Variants in OXNAD1 observed in about 807,000 individuals in gnomAD.
OXNAD1 encodes oxidoreductase NAD binding domain containing 1.
Under a neutral mutation model 32.9 loss-of-function variants are expected in OXNAD1, and 34 were observed. The ratio of observed to expected loss-of-function variants is 1.03; its 90% CI spans 0.79 to 1.38. OXNAD1 has a LOEUF of 1.38. Among genes scored for constraint, OXNAD1 ranks in the 40% most tolerant of loss-of-function variants. OXNAD1 has a pLI of 0.00. For synonymous variants in OXNAD1, 134 were observed against 135.2 expected, an observed-to-expected ratio of 0.99 and a Z score of 0.06; for missense variants, 407 against 379.4, an observed-to-expected ratio of 1.07 and a Z score of -0.60.
At position 16,286,504 on chromosome 3, in the gene OXNAD1, G is replaced by A. The variant is rs948618619; in HGVS notation, c.290+56G>A. ...ATGTTCAAGAAGGTGCCATCAGATA[G>A]AAGGTATTATTTTTTCTCCTGGAAA... On this transcript the variant is annotated intron_variant, in intron 5 of 8. Coordinates refer to ENST00000285083, the MANE Select transcript of OXNAD1 (RefSeq NM_138381.5). 33 of 1,418,702 alleles carry A rather than the reference G, an allele frequency of 2.3e-5. No individual in the cohort carries two copies. The East Asian group carries it at 6.9e-4, about 29-fold the overall frequency. The allele number at this position is 1,418,702 out of a possible 1,614,324, so 87.9% of individuals were successfully genotyped here.
Position 16,345,788 on chromosome 3 carries a change from C to CTGTCTGTGTGTGTGTGTGTGTGTGTG in OXNAD1, c.*31-3385_*31-3384insCTGTGTGTGTGTGTGTGTGTGTGTGT, listed in dbSNP as rs765619275. 2.4e-5 allele frequency among the ~76,000 whole-genome samples: 3 copies of CTGTCTGTGTGTGTGTGTGTGTGTGTG among 127,170 alleles called. No individual in the cohort carries two copies. Among genetic ancestry groups the CTGTCTGTGTGTGTGTGTGTGTGTGTG allele is most frequent in the Non-Finnish European group, 3.4e-5 (2 of 58,642 alleles). The allele number at this position is 127,170 out of a possible 152,430, so 83.4% of individuals were successfully genotyped here. A position where few individuals can be genotyped will look rare whatever the true frequency, so the allele number is the denominator to read the frequency against. ...TGAGCCAAAACCTTATAATAAATCT[C>CTGTCTGTGTGTGTGTGTGTGTGTGTG]TGTGTGTGTGTGTGTGTGTGTGTGT... On this transcript the variant is annotated intron_variant, in intron 9 of 9. Coordinates refer to the OXNAD1 transcript ENST00000606098. The surrounding 1 kb of genome is among the most constrained non-coding windows in gnomAD (Gnocchi z 5.2).
At position 16,320,488 on chromosome 3, in the gene OXNAD1, C is replaced by G. The variant is rs903038065; in HGVS notation, c.*31-16624C>G. ...TTGAGCACCAACTAAAATCTGGGTA[C>G]ACAACACAGGAAAAAGGTCTTTGCT... On this transcript the variant is annotated intron_variant, in intron 9 of 9. Coordinates refer to the OXNAD1 transcript ENST00000435829. The surrounding 1 kb of genome is among the most constrained non-coding windows in gnomAD (Gnocchi z 4.5). Among the ~76,000 whole-genome samples, 3 of 152,156 alleles carry G rather than the reference C, an allele frequency of 2.0e-5. No individual in the cohort carries two copies. Among genetic ancestry groups the G allele is most frequent in the African/African-American group, 7.2e-5 (3 of 41,406 alleles).
chr3:16,288,584 A>G lies in OXNAD1; in HGVS notation c.290+2136A>G, dbSNP rs1190246644. ...AGGGGCTCTTTTTGCACTACACTGT[A>G]TTCTTACTGGGCCTTGCAGAGAGGG... On this transcript the variant is annotated intron_variant, in intron 5 of 8. Transcript: ENST00000285083. This position sits in a 1 kb window ranked among gnomAD's most constrained non-coding sequence, Gnocchi z 5.1. Among the ~76,000 whole-genome samples, 1 of 152,190 alleles carries G rather than the reference A, an allele frequency of 6.6e-6. No homozygotes were observed. The highest frequency in any genetic ancestry group is 6.5e-5 in the Admixed American group (1 of 15,282).
Position 16,288,892 on chromosome 3 carries a change from A to G in OXNAD1, c.290+2444A>G, listed in dbSNP as rs1275077960. On this transcript the variant is annotated intron_variant, in intron 5 of 8. Transcript: ENST00000285083. This position sits in a 1 kb window ranked among gnomAD's most constrained non-coding sequence, Gnocchi z 5.1. ...GCAGCTGCCCTGAGTTTCTAGATTC[A>G]CATTTGGCTGTGGTGCTCACTGCCT... 6.6e-6 allele frequency among the ~76,000 whole-genome samples: 1 copy of G among 152,182 alleles called. No homozygotes were observed. Among genetic ancestry groups the G allele is most frequent in the Admixed American group, 6.5e-5 (1 of 15,274 alleles).
At chr3:16,307,719 GTTGT>G (rs2067660294), downstream of OXNAD1, among the ~76,000 whole-genome samples, 1 of 134,380 alleles carries the variant, frequency 7.4e-6, no homozygotes, top group Non-Finnish European at 1.6e-5. Flanking sequence ...TTCTCATTGG[GTTGT>G]TTTATTTTTT....
At chr3:16,347,138 C>G (rs2071777045) in intron 9 of OXNAD1, among the ~76,000 whole-genome samples, 1 of 152,214 alleles carries the variant, frequency 6.6e-6, no homozygotes, top group Non-Finnish European at 1.5e-5. Context: ...GTACAGCTCT[C>G]TGATGAAAAT....
chr3:16,324,504 A>AT (rs1290803212), intron 9 of OXNAD1, among the ~76,000 whole-genome samples: 1 of 151,864 alleles, frequency 6.6e-6, no homozygotes, highest in Non-Finnish European at 1.5e-5. Flanking sequence ...ACTTTTTTAG[A>AT]TTCCACGTAT....
In OXNAD1 at chr3:16,314,208, C is replaced by T. The variant is rs62233918; in HGVS notation, c.*30+10616C>T. Reference sequence around the variant, plus strand: ...GTATGTCTTTGTGGCTTTTACTGTCCGTGGGACCTGGTCAGTGCAAATGAT... The same window carrying T: ...GTATGTCTTTGTGGCTTTTACTGTCTGTGGGACCTGGTCAGTGCAAATGAT... On this transcript the variant is annotated intron_variant, in intron 9 of 9. Transcript: ENST00000435829. This position sits in a 1 kb window ranked among gnomAD's most constrained non-coding sequence, Gnocchi z 4.4. Among the ~76,000 whole-genome samples, 19,488 of 152,002 alleles carry T rather than the reference C, an allele frequency of 0.13. 1,324 individuals are homozygous for T. Among genetic ancestry groups the T allele is most frequent in the Middle Eastern group, 0.15 (45 of 294 alleles).
At chr3:16,294,771 T>G (rs2066657975) in intron 5 of OXNAD1, 85 bp from the exon 6 acceptor site, 1 of 1,320,236 alleles carries the variant, frequency 7.6e-7, no homozygotes, top group Non-Finnish European at 1.0e-6. Context: ...TTTTTCATAG[T>G]CTTGCAAAGG....
rs116835323 is a variant in OXNAD1, at chr3:16,332,004, T to G, written c.*31-5108T>G. ...CTATTCTGATTACTAATATTTTAAC[T>G]GTAACCTGTTGTATTGCTTTGAAAG... On this transcript the variant is annotated intron_variant, in intron 9 of 9. Coordinates refer to the OXNAD1 transcript ENST00000435829. 4.2e-3 allele frequency among the ~76,000 whole-genome samples: 639 copies of G among 152,364 alleles called. 1 individual carries two copies. The highest frequency in any genetic ancestry group is 7.5e-3 in the Non-Finnish European group (512 of 68,026).
Position 16,271,112 on chromosome 3 carries a change from CAA to C in OXNAD1, c.119+43_119+44del. ...TTCTGTGTCATTTGAAGTTAATTTT[CAA>C]AGAGACCCGACCTGCTGATGGTTGT... is the stretch of plus-strand genomic sequence containing the variant. On this transcript the variant is annotated intron_variant, in intron 3 of 8. Transcript: ENST00000285083. This position sits in a 1 kb window ranked among gnomAD's most constrained non-coding sequence, Gnocchi z 4.6. 1 of 1,604,232 alleles carries C rather than the reference CAA, an allele frequency of 6.2e-7. No individual in the cohort carries two copies. Among genetic ancestry groups the C allele is most frequent in the Non-Finnish European group, 8.5e-7 (1 of 1,173,698 alleles).
At chr3:16,300,413 G>A (rs904482051) in intron 6 of OXNAD1, among the ~76,000 whole-genome samples, 5 of 152,222 alleles carry the variant, frequency 3.3e-5, no homozygotes, top group African/African-American at 4.8e-5. Flanking sequence ...TGTTGTGTGG[G>A]TGACACATGT....
At chr3:16,323,550 A>G (rs1359328895) in intron 9 of OXNAD1, 13 of 854,164 alleles carry the variant, frequency 1.5e-5, no homozygotes, top group Non-Finnish European at 2.5e-5. Flanking sequence ...TCATCAAAGC[A>G]GACCACCCAC....
chr3:16,301,684 A>G lies in OXNAD1; in HGVS notation c.491A>G (p.Gln164Arg). 6.2e-7 allele frequency: 1 copy of G among 1,613,958 alleles called. No individual in the cohort carries two copies. The highest frequency in any genetic ancestry group is 8.5e-7 in the Non-Finnish European group (1 of 1,179,952). The change falls in exon 7 of 9, where the codon CAG becomes CGG. Residue 164 changes from glutamine (Q) to arginine (R), a missense_variant. Physicochemically the swap from Gln to Arg is conservative, Grantham distance 43 (BLOSUM62 1). Coordinates refer to ENST00000285083, the MANE Select transcript of OXNAD1 (RefSeq NM_138381.5). The surrounding 1 kb of genome is among the most constrained non-coding windows in gnomAD (Gnocchi z 4.1). ...RVGGEFFFDP[Q>R]PADASRNLVL... is the part of the protein sequence containing the mutation. ...GGTGGAGAGTTCTTCTTTGACCCTC[A>G]GCCTGCGGATGCCTCTAGAAACCTC...
Position 16,316,870 on chromosome 3 carries a change from ATCCCCG to A in OXNAD1, c.*30+13283_*30+13288del, listed in dbSNP as rs1559794453. 4 of 1,614,046 alleles carry A rather than the reference ATCCCCG, an allele frequency of 2.5e-6. No individual in the cohort carries two copies. Among genetic ancestry groups the A allele is most frequent in the Non-Finnish European group, 3.4e-6 (4 of 1,180,030 alleles). On this transcript the variant is annotated intron_variant, in intron 9 of 9. Coordinates refer to the OXNAD1 transcript ENST00000435829. This position sits in a 1 kb window ranked among gnomAD's most constrained non-coding sequence, Gnocchi z 4.5. Reference sequence around the variant, plus strand: ...TACCAAGCTCTCTGACTTCCTCAGCATCCCCGTCCCTGGCATCCTCTCCAGGATTGG... The same window carrying A: ...TACCAAGCTCTCTGACTTCCTCAGCATCCCTGGCATCCTCTCCAGGATTGG...
rs150168994 is a variant in OXNAD1 at position 16,320,030 on chromosome 3, C to G, written c.*30+16438C>G. 6.6e-6 allele frequency among the ~76,000 whole-genome samples: 1 copy of G among 152,204 alleles called. No individual in the cohort carries two copies. Among genetic ancestry groups the G allele is most frequent in the Admixed American group, 6.5e-5 (1 of 15,278 alleles). ...GGGTGTGTCACCAAATCCAATTAGC[C>G]GCCCAATTCAGAAATAACTGTCTAA... is the stretch of plus-strand genomic sequence containing the variant. On this transcript the variant is annotated intron_variant, in intron 9 of 9. Coordinates refer to the OXNAD1 transcript ENST00000435829. This position sits in a 1 kb window ranked among gnomAD's most constrained non-coding sequence, Gnocchi z 4.5.
chr3:16,275,544 G>C (rs146299414), intron 4 of OXNAD1: 1 of 152,892 alleles, frequency 6.5e-6, no homozygotes. Context: ...ACTCCAGCCT[G>C]TGTGGCAGAG....
chr3:16,338,234 G>T (rs1424695399), downstream of OXNAD1, among the ~76,000 whole-genome samples: 1 of 152,234 alleles, frequency 6.6e-6, no homozygotes, highest in African/African-American at 2.4e-5. The surrounding 1 kb of genome is among the most constrained non-coding windows in gnomAD (Gnocchi z 5.3). Flanking sequence ...ATTATCAGGG[G>T]TGTCTGCCCA....
At position 16,270,500 on chromosome 3, in the gene OXNAD1, T is replaced by A. The variant is rs2064848065; in HGVS notation, c.-8-445T>A. On this transcript the variant is annotated intron_variant, in intron 2 of 8. Coordinates refer to ENST00000285083, the MANE Select transcript of OXNAD1 (RefSeq NM_138381.5). ...TTTTCTGTTTTGGTTTTTTAATATC[T>A]GGAAACCTTAAGCTTCTTGTTTGGG... Among the ~76,000 whole-genome samples, 4 of 152,328 alleles carry A rather than the reference T, an allele frequency of 2.6e-5. No homozygotes were observed. In the South Asian group the frequency reaches 8.3e-4, roughly 32 times the overall value.
Sources: allele counts gnomAD v4.1 joint callset (sites outside exome capture counted in the v4.1 genomes callset), GRCh38; gene constraint gnomAD v4.1.1; non-coding constraint Gnocchi (gnomAD v3.1); transcripts MANE v1.5; gene names NCBI Gene and HGNC (gene_info 2026-07-23, HGNC 2026-07-21).